Variants in KLHL1 observed in about 807,000 individuals in gnomAD.
The protein encoded by KLHL1 is kelch-like protein 1.
Under a neutral mutation model 77.7 loss-of-function variants are expected in KLHL1, and 47 were observed. That is an observed-to-expected ratio of 0.60 (90% CI 0.48 to 0.77). The LOEUF is 0.77. Ranked by LOEUF, KLHL1 falls within the 30% of genes least tolerant of loss-of-function variation. KLHL1 has a pLI of 0.00. For synonymous variants in KLHL1, 360 were observed against 325.2 expected (o/e 1.11, Z -1.15); for missense variants, 925 against 910.8 (o/e 1.02, Z -0.20).
intron 1 of KLHL1, among the ~76,000 whole-genome samples, chr13:70,090,219 C>T (rs1278614385): frequency 6.6e-6 from 1 of 152,016 alleles, no homozygotes; most frequent in African/African-American, 2.4e-5. Flanking sequence ...ACATATCAAA[C>T]AGTAACTAAT....
chr13:69,791,127 C>T (rs1451090238), intron 7 of KLHL1, among the ~76,000 whole-genome samples: 1 of 151,694 alleles, frequency 6.6e-6, no homozygotes, highest in Non-Finnish European at 1.5e-5. Flanking sequence ...TATGTTCAGC[C>T]AGATTTCAGG....
chr13:69,810,833 G>A (rs1877847708), intron 6 of KLHL1, among the ~76,000 whole-genome samples: 2 of 151,986 alleles, frequency 1.3e-5, no homozygotes, highest in African/African-American at 4.8e-5. Context: ...GCTCCTCAGA[G>A]AGTGCTATGA....
chr13:69,847,340 A>G (rs2161757), intron 5 of KLHL1, among the ~76,000 whole-genome samples: 141,161 of 150,914 alleles, frequency 0.94, 66,245 homozygotes, highest in East Asian at 0.99. Flanking sequence ...TACAGTTCAC[A>G]TCCAGAAATA....
intron 1 of KLHL1, among the ~76,000 whole-genome samples, chr13:70,072,526 T>G (rs886230080): frequency 1.3e-5 from 2 of 152,130 alleles, no homozygotes; most frequent in African/African-American, 4.8e-5. Flanking sequence ...CTTGTAGATA[T>G]GTGCGAAATC....
At chr13:70,053,977 A>C (rs1399842564) in intron 1 of KLHL1, among the ~76,000 whole-genome samples, 5 of 152,114 alleles carry the variant, frequency 3.3e-5, no homozygotes, top group Non-Finnish European at 5.9e-5. Flanking sequence ...CCTGAATGTG[A>C]CAGGTTTTGT....
intron 5 of KLHL1, among the ~76,000 whole-genome samples, chr13:69,861,170 T>C (rs7999428): frequency 0.32 from 48,449 of 151,906 alleles, 8,235 homozygotes; most frequent in African/African-American, 0.45. Flanking sequence ...TAGTCTACCC[T>C]GTCAACTGAT....
chr13:69,838,356 G>C (rs1895570), intron 6 of KLHL1, among the ~76,000 whole-genome samples: 6 of 151,368 alleles, frequency 4.0e-5, no homozygotes, highest in Non-Finnish European at 1.5e-5. Flanking sequence ...TACTTATTCA[G>C]GAAAATTAAG....
At chr13:70,023,819 C>T (rs1885863632) in intron 1 of KLHL1, among the ~76,000 whole-genome samples, 1 of 151,812 alleles carries the variant, frequency 6.6e-6, no homozygotes, top group South Asian at 2.1e-4. Flanking sequence ...GATTTAAAAA[C>T]TTAACATTTT....
intron 3 of KLHL1, among the ~76,000 whole-genome samples, chr13:69,958,720 C>T (rs1179377662): frequency 6.7e-6 from 1 of 149,514 alleles, no homozygotes; most frequent in Non-Finnish European, 1.5e-5. Context: ...TTCACCAAAG[C>T]CTCTCAAACC....
intron 4 of KLHL1, among the ~76,000 whole-genome samples, chr13:69,908,578 T>C (rs917500275): frequency 3.3e-5 from 5 of 150,436 alleles, no homozygotes; most frequent in African/African-American, 7.4e-5. Context: ...AAAAGATTCA[T>C]TTATAGACAA....
chr13:69,726,368 T>C (rs1208858656), intron 8 of KLHL1, among the ~76,000 whole-genome samples: 1 of 152,160 alleles, frequency 6.6e-6, no homozygotes, highest in South Asian at 2.1e-4. Flanking sequence ...TTTCATCTGA[T>C]GCCATGAGAA....
Position 69,860,854 on chromosome 13 carries a change from T to TA in KLHL1, c.1227+21428dup, listed in dbSNP as rs528540934. Reference sequence around the variant, plus strand: ...TTAGATATCTTTAGAATTACATATTTAAAAAAAAACATACTAATAGAATTC... The same window carrying TA: ...TTAGATATCTTTAGAATTACATATTTAAAAAAAAAACATACTAATAGAATTC... On this transcript the variant is annotated intron_variant, in intron 5 of 10. Transcript: ENST00000377844. 5.5e-3 allele frequency among the ~76,000 whole-genome samples: 824 copies of TA among 150,936 alleles called. 10 individuals carry two copies. The highest frequency in any genetic ancestry group is 0.018 in the African/African-American group (733 of 41,244).
chr13:69,713,041 T>G (rs2137882726), intron 9 of KLHL1, among the ~76,000 whole-genome samples: 1 of 152,144 alleles, frequency 6.6e-6, no homozygotes, highest in East Asian at 1.9e-4. Flanking sequence ...TGTCACCCAG[T>G]CTGGTCACAA....
In KLHL1 at chr13:70,107,477, A is replaced by G; in HGVS notation, c.223T>C (p.Ser75Pro). The G allele has an allele frequency of 6.2e-7, 1 of 1,614,106 alleles. No individual in the cohort carries two copies. Among genetic ancestry groups the G allele is most frequent in the Non-Finnish European group, 8.5e-7 (1 of 1,179,998 alleles). ...VSTFWKKPSSSSSSSSSPSSS... is the reference protein window; with the variant it reads ...VSTFWKKPSSPSSSSSSPSSS... Reference sequence around the variant, plus strand: ...GACGGGGAGGACGATGAAGAGGAAGAGGAGGAAGGCTTCTTCCAGAAAGTG... The same window carrying G: ...GACGGGGAGGACGATGAAGAGGAAGGGGAGGAAGGCTTCTTCCAGAAAGTG... Residue 75 changes from serine to proline, a missense_variant, in exon 1 of 11, where the codon TCT becomes CCT. Transcript: ENST00000377844.
chr13:69,865,356 A>G (rs1407382041), intron 5 of KLHL1, among the ~76,000 whole-genome samples: 2 of 152,186 alleles, frequency 1.3e-5, no homozygotes, highest in South Asian at 2.1e-4. Context: ...TAGAATTTTC[A>G]AAAGGCTATA....
At chr13:70,008,067 GA>G (rs1166833407) in intron 1 of KLHL1, among the ~76,000 whole-genome samples, 1 of 151,850 alleles carries the variant, frequency 6.6e-6, no homozygotes, top group East Asian at 1.9e-4. Context: ...TGGTTTTCTG[GA>G]GTATCACAGT....
chr13:69,777,931 A>T (rs1023296737), intron 7 of KLHL1, among the ~76,000 whole-genome samples: 1 of 152,100 alleles, frequency 6.6e-6, no homozygotes, highest in African/African-American at 2.4e-5. Context: ...TTAACAAGTA[A>T]ACATTCTTAG....
At chr13:70,014,546 G>C (rs1266086712) in intron 1 of KLHL1, among the ~76,000 whole-genome samples, 1 of 102,606 alleles carries the variant, frequency 9.7e-6, no homozygotes, top group African/African-American at 3.7e-5. Context: ...TCAAATTGAA[G>C]CTATTGAAAA....
chr13:69,701,784 A>T, intron 10 of KLHL1, 23 bp from the exon 11 acceptor site: 1 of 1,535,464 alleles, frequency 6.5e-7, no homozygotes, highest in Non-Finnish European at 8.9e-7. Flanking sequence ...ATGAAACACA[A>T]CTTAAGACAA....
Sources: gnomAD v4.1 joint callset for allele counts (sites outside exome capture counted in the v4.1 genomes callset) on GRCh38, gnomAD v4.1.1 for gene constraint, MANE v1.5 for transcripts, NCBI Gene and HGNC (gene_info 2026-07-23, HGNC 2026-07-21) for gene names.